The following MTMR6 variants were observed in gnomAD, a reference collection of about 807,000 sequenced individuals.
MTMR6 encodes the protein myotubularin related protein 6, also known as phosphatidylinositol-3,5-bisphosphate 3-phosphatase MTMR6.
MTMR6 carries 47 observed loss-of-function variants against 80.1 expected under a neutral mutation model. The observed-to-expected ratio is 0.59, with a 90% CI of 0.46 to 0.75. The LOEUF (loss-of-function observed/expected upper bound fraction) is 0.75. Among genes scored for constraint, MTMR6 ranks in the 30% least tolerant of loss-of-function variants. The probability of loss-of-function intolerance (pLI) is 0.00; values close to 1 mark genes in which losing one functional copy is unlikely to be tolerated. For synonymous variants in MTMR6, 254 were observed against 253.0 expected (o/e 1.00, Z -0.04); for missense variants, 629 against 730.9 (o/e 0.86, Z 1.61).
At chr13:25,250,042 T>A (rs1387961024) in intron 13 of MTMR6, among the ~76,000 whole-genome samples, 5 of 152,152 alleles carry the variant, frequency 3.3e-5, no homozygotes, top group African/African-American at 1.2e-4. Flanking sequence ...GTCCCGATAA[T>A]CTTGTATTAC....
chr13:25,256,233 C>G lies in MTMR6; in HGVS notation c.1095+963G>C, dbSNP rs187174691. Among the ~76,000 whole-genome samples, 29 of 152,294 alleles carry G rather than the reference C, an allele frequency of 1.9e-4. 1 individual carries two copies. Among genetic ancestry groups the G allele is most frequent in the African/African-American group, 6.7e-4 (28 of 41,566 alleles). Reference sequence around the variant, plus strand: ...GCTTTGATTTACACTGTTCCTATTGCCTGGGAAGCTCTCACATCATCCCCA... The same window carrying G: ...GCTTTGATTTACACTGTTCCTATTGGCTGGGAAGCTCTCACATCATCCCCA... On this transcript the variant is annotated intron_variant, in intron 9 of 13. Transcript: ENST00000381801.
Position 25,286,632 on chromosome 13 carries a change from T to G in MTMR6, c.24+592A>C, listed in dbSNP as rs1271480664. On this transcript the variant is annotated intron_variant, in intron 1 of 13. Coordinates refer to ENST00000381801, the MANE Select transcript of MTMR6 (RefSeq NM_004685.5). ...GACCTTTTAAAATATGGAATAACAT[T>G]TTTCCCTTCTCCAGAACTCTTGACT... 2.6e-5 allele frequency among the ~76,000 whole-genome samples: 4 copies of G among 152,132 alleles called. No individual in the cohort carries two copies. The East Asian group carries it at 7.7e-4, about 29-fold the overall frequency.
Position 25,266,121 on chromosome 13 carries a change from T to A in MTMR6, c.462+8A>T. 1.2e-6 allele frequency: 2 copies of A among 1,612,920 alleles called. No individual in the cohort carries two copies. The highest frequency in any genetic ancestry group is 1.7e-6 in the Non-Finnish European group (2 of 1,179,594). On this transcript the variant is annotated splice_region_variant and intron_variant, in intron 4 of 13. Coordinates refer to ENST00000381801, the MANE Select transcript of MTMR6 (RefSeq NM_004685.5). The stretch of plus-strand genomic sequence containing the variant: ...TTTCTGAATTTCTCCAAAATGTTGT[T>A]AAGGTACCTTGTAGTCCCGGTTGGC...
Position 25,287,235 on chromosome 13 carries a change from G to C in MTMR6, c.13C>G (p.Arg5Gly), listed in dbSNP as rs996238686. MEHI[R>G]TTKVEQVKLL... ...CCGCGCCCGACTACCTTGGTCGTCC[G>C]GATATGCTCCATCGCAAGGAGACGT... The change falls in exon 1 of 14, where the codon CGG becomes GGG. Residue 5 changes from arginine (R) to glycine (G), a missense_variant. Arg to Gly is a moderately radical substitution (Grantham distance 125, BLOSUM62 -2). Coordinates refer to ENST00000381801, the MANE Select transcript of MTMR6 (RefSeq NM_004685.5). 25 of 1,597,934 alleles carry C rather than the reference G, an allele frequency of 1.6e-5. No individual in the cohort carries two copies. Among genetic ancestry groups the C allele is most frequent in the Non-Finnish European group, 2.1e-5 (25 of 1,174,792 alleles).
chr13:25,278,769 C>T (rs919228409), intron 1 of MTMR6, among the ~76,000 whole-genome samples: 1 of 150,094 alleles, frequency 6.7e-6, no homozygotes, highest in Non-Finnish European at 1.5e-5. Context: ...CCTGTAATCC[C>T]AGCTACTTAG....
chr13:25,258,365 A>G (rs1957259940), intron 7 of MTMR6, among the ~76,000 whole-genome samples, 195 bp downstream of exon 7: 1 of 152,110 alleles, frequency 6.6e-6, no homozygotes, highest in African/African-American at 2.4e-5. Flanking sequence ...AAAATATCTC[A>G]TTACTGATTT....
chr13:25,277,427 T>C (rs1957748733), intron 1 of MTMR6, among the ~76,000 whole-genome samples: 1 of 152,168 alleles, frequency 6.6e-6, no homozygotes, highest in African/African-American at 2.4e-5. Flanking sequence ...GTTAGTAGAG[T>C]GTCTGACACA....
At position 25,265,717 on chromosome 13, in the gene MTMR6, G is replaced by A. The variant is rs180958797; in HGVS notation, c.591+102C>T. On this transcript the variant is annotated intron_variant, in intron 5 of 13. Transcript: ENST00000381801. The stretch of plus-strand genomic sequence containing the variant: ...ACTGCACTCCAGCTTCGGCAACAGA[G>A]CGAGACCCTATCTCAAAAAAAAAAA... 5.3e-6 allele frequency: 7 copies of A among 1,316,916 alleles called. No individual in the cohort carries two copies. The African/African-American group carries it at 6.0e-5, about 11-fold the overall frequency. The allele number at this position is 1,316,916 out of a possible 1,614,324, so 81.6% of individuals were successfully genotyped here.
chr13:25,268,581 C>T (rs1024799512), intron 2 of MTMR6, among the ~76,000 whole-genome samples: 2 of 152,158 alleles, frequency 1.3e-5, no homozygotes, highest in Non-Finnish European at 1.5e-5. Flanking sequence ...ACACCAAAAG[C>T]GTAGCCTGAC....
rs887507738 is a variant in MTMR6 at position 25,247,994 on chromosome 13, A to G, written c.*1238T>C. Reference sequence around the variant, plus strand: ...TGTTTCTTGTTTTTTGGTAATTTAAAGATATGTACTAGTACACAGAATAAA... The same window carrying G: ...TGTTTCTTGTTTTTTGGTAATTTAAGGATATGTACTAGTACACAGAATAAA... On this transcript the variant is annotated 3_prime_UTR_variant, in exon 14 of 14. Transcript: ENST00000381801. The G allele has an allele frequency of 6.6e-6, 1 of 152,154 alleles. No individual in the cohort carries two copies. The highest frequency in any genetic ancestry group is 2.4e-5 in the African/African-American group (1 of 41,458). The allele number at this position is 152,154 out of a possible 1,614,324, so 9.4% of individuals were successfully genotyped here. A position where few individuals can be genotyped will look rare whatever the true frequency, so the allele number is the denominator to read the frequency against.
chr13:25,265,696 C>T (rs946839776), intron 5 of MTMR6, 123 bp downstream of exon 5: 22 of 1,087,172 alleles, frequency 2.0e-5, no homozygotes, highest in Middle Eastern at 3.1e-4. Flanking sequence ...GGTGCCACTG[C>T]ACTCCAGCTT....
In MTMR6 at chr13:25,253,794, C is replaced by T; in HGVS notation, c.1316G>A (p.Gly439Glu). The T allele has an allele frequency of 1.2e-6, 2 of 1,614,050 alleles. No homozygotes were observed. The highest frequency in any genetic ancestry group is 1.7e-6 in the Non-Finnish European group (2 of 1,179,988). The change falls in exon 11 of 14, where the codon GGA becomes GAA. Residue 439 changes from glycine to glutamate, a missense_variant. By Grantham distance (98) the Gly-to-Glu change is moderately conservative. Transcript: ENST00000381801. ...IHSCQFGNFLGNCQKEREELK... is the reference protein window; with the variant it reads ...IHSCQFGNFLENCQKEREELK... ...CTCTTCTCTTTCCTTCTGACAATTT[C>T]CAAGGAAGTTTCCAAACTGGCATGA...
rs1957023796 is a variant in MTMR6, at chr13:25,248,450, T to C, written c.*782A>G. The C allele has an allele frequency of 6.6e-6, 1 of 152,118 alleles. No homozygotes were observed. Among genetic ancestry groups the C allele is most frequent in the African/African-American group, 2.4e-5 (1 of 41,434 alleles). The allele number at this position is 152,118 out of a possible 1,614,324, so 9.4% of individuals were successfully genotyped here. On this transcript the variant is annotated 3_prime_UTR_variant, in exon 14 of 14. Coordinates refer to ENST00000381801, the MANE Select transcript of MTMR6 (RefSeq NM_004685.5). ...AGACAGTCAAATGTGCTTATACGTATTCAAGAAATCAATATTCTAAGCTGT... is the reference window on the plus strand; with the variant it reads ...AGACAGTCAAATGTGCTTATACGTACTCAAGAAATCAATATTCTAAGCTGT...
chr13:25,285,042 T>C (rs1411747479), intron 1 of MTMR6, among the ~76,000 whole-genome samples: 1 of 151,922 alleles, frequency 6.6e-6, no homozygotes, highest in Non-Finnish European at 1.5e-5. Flanking sequence ...AATTTCTTAG[T>C]CTCTAAAAAG....
At chr13:25,282,909 T>C (rs1419567725) in intron 1 of MTMR6, among the ~76,000 whole-genome samples, 1 of 152,026 alleles carries the variant, frequency 6.6e-6, no homozygotes, top group Non-Finnish European at 1.5e-5. Flanking sequence ...CCCGGCCTGC[T>C]TGTCCCTTTT....
At chr13:25,277,350 T>C (rs1298719344) in intron 1 of MTMR6, among the ~76,000 whole-genome samples, 5 of 152,228 alleles carry the variant, frequency 3.3e-5, no homozygotes, top group African/African-American at 4.8e-5. Context: ...ATCTGTCTTT[T>C]CCACTAAAGA....
intron 7 of MTMR6, 73 bp downstream of exon 7, chr13:25,258,487 A>G: frequency 7.4e-7 from 1 of 1,346,880 alleles, no homozygotes; most frequent in South Asian, 1.6e-5. Context: ...CCACTGGAAA[A>G]TTCTAAATTA....
At chr13:25,281,923 G>A (rs1957858672) in intron 1 of MTMR6, among the ~76,000 whole-genome samples, 1 of 152,078 alleles carries the variant, frequency 6.6e-6, no homozygotes, top group Non-Finnish European at 1.5e-5. Flanking sequence ...AAATCCAGTG[G>A]GCACTTTTCA....
Position 25,287,310 on chromosome 13 carries a change from C to A in MTMR6, c.-63G>T. 1 of 1,549,718 alleles carries A rather than the reference C, an allele frequency of 6.5e-7. No individual in the cohort carries two copies. Among genetic ancestry groups the A allele is most frequent in the Non-Finnish European group, 8.7e-7 (1 of 1,150,168 alleles). Reference sequence around the variant, plus strand: ...GTACCATACGGCTACAGAAACAGGGCGGTGACAGCGACAGAGAGCAAGCGG... The same window carrying A: ...GTACCATACGGCTACAGAAACAGGGAGGTGACAGCGACAGAGAGCAAGCGG... On this transcript the variant is annotated 5_prime_UTR_variant, in exon 1 of 14. Coordinates refer to ENST00000381801, the MANE Select transcript of MTMR6 (RefSeq NM_004685.5).
Sources: allele counts gnomAD v4.1 joint callset (sites outside exome capture counted in the v4.1 genomes callset), GRCh38; gene constraint gnomAD v4.1.1; transcripts MANE v1.5; gene names NCBI Gene and HGNC (gene_info 2026-07-23, HGNC 2026-07-21).